Variants in GATB observed in about 807,000 individuals in gnomAD.
The protein encoded by GATB is glutamyl-tRNA(Gln) amidotransferase subunit B, mitochondrial.
GATB carries 39 observed loss-of-function variants against 62.3 expected under a neutral mutation model. The ratio of observed to expected loss-of-function variants is 0.63; its 90% CI spans 0.48 to 0.82. GATB has a LOEUF of 0.82. GATB is among the 40% of genes least tolerant of loss of function. GATB has a pLI of 0.00. For missense variants in GATB, 670 were observed against 684.0 expected, an observed-to-expected ratio of 0.98 and a Z score of 0.23; for synonymous variants, 276 against 258.9, an observed-to-expected ratio of 1.07 and a Z score of -0.63.
intron 10 of GATB, among the ~76,000 whole-genome samples, chr4:151,687,726 G>C (rs1738279783): frequency 6.6e-6 from 1 of 152,102 alleles, no homozygotes; most frequent in Non-Finnish European, 1.5e-5. Context: ...AGAGATTGGA[G>C]GGCCTTCTCT....
At chr4:151,755,257 A>T (rs143583796) in intron 2 of GATB, among the ~76,000 whole-genome samples, 3 of 152,210 alleles carry the variant, frequency 2.0e-5, no homozygotes, top group African/African-American at 7.2e-5. Flanking sequence ...AATTCTATTC[A>T]TCTCACTAGA....
Position 151,688,656 on chromosome 4 carries a change from C to T in GATB, c.1305G>A (p.Lys435=), listed in dbSNP as rs1738301056. Residue 435 remains lysine (K), a synonymous_variant, in exon 10 of 13, where the codon AAG becomes AAA. Coordinates refer to ENST00000263985, the MANE Select transcript of GATB (RefSeq NM_004564.3). ...WVLNTFLGYL[K]QQNLAVSESP... Reference sequence around the variant, plus strand: ...TCTCACTGACAGCGAGGTTCTGTTGCTTTAAATAGCCCAGAAAAGTGTTGA... The same window carrying T: ...TCTCACTGACAGCGAGGTTCTGTTGTTTTAAATAGCCCAGAAAAGTGTTGA... 1.2e-6 allele frequency: 2 copies of T among 1,610,498 alleles called. No individual in the cohort carries two copies. The highest frequency in any genetic ancestry group is 1.1e-5 in the South Asian group (1 of 89,728).
In GATB at chr4:151,716,939, C is replaced by T; in HGVS notation, c.577G>A (p.Asp193Asn). 6.2e-7 allele frequency: 1 copy of T among 1,614,234 alleles called. No homozygotes were observed. Among genetic ancestry groups the T allele is most frequent in the Non-Finnish European group, 8.5e-7 (1 of 1,180,046 alleles). Residue 193 changes from aspartate to asparagine, a missense_variant, in exon 4 of 13, where the codon GAC becomes AAC. Coordinates refer to ENST00000263985, the MANE Select transcript of GATB (RefSeq NM_004564.3). ...TTGTCGTGGAGGCTTTTGCCACTGT[C>T]TTGCTCCAACTGGATCTGCTTGATC... ...VRIKQIQLEQ[D>N]SGKSLHDNLR...
intron 2 of GATB, among the ~76,000 whole-genome samples, chr4:151,727,667 C>G (rs566381268): frequency 4.5e-4 from 68 of 152,278 alleles, no homozygotes; most frequent in African/African-American, 1.5e-3. Flanking sequence ...GAATCTGAAT[C>G]TTACTCCTCA....
chr4:151,742,674 T>C (rs977118821), intron 2 of GATB, among the ~76,000 whole-genome samples: 2 of 152,036 alleles, frequency 1.3e-5, no homozygotes, highest in African/African-American at 2.4e-5. Context: ...GAGGTAAATA[T>C]GGAAAATGGC....
At chr4:151,699,260 A>G (rs1048754796) in intron 9 of GATB, among the ~76,000 whole-genome samples, 2 of 151,906 alleles carry the variant, frequency 1.3e-5, no homozygotes, top group African/African-American at 4.8e-5. Flanking sequence ...GTGGTGGCGC[A>G]TGCCTGGAAT....
At chr4:151,679,956 G>T in intron 10 of GATB, 65 bp from the exon 11 acceptor site, 1 of 1,435,352 alleles carries the variant, frequency 7.0e-7, no homozygotes, top group Non-Finnish European at 9.8e-7. Context: ...ATGAATGGCT[G>T]TTCGGAATCA....
chr4:151,727,607 A>G (rs1259395141), intron 2 of GATB, among the ~76,000 whole-genome samples: 1 of 152,208 alleles, frequency 6.6e-6, no homozygotes, highest in Non-Finnish European at 1.5e-5. Flanking sequence ...GATCTCTGAG[A>G]AGACATATAC....
At chr4:151,720,679 C>T (rs947858436) in intron 2 of GATB, 9 of 152,106 alleles carry the variant, frequency 5.9e-5, no homozygotes. Flanking sequence ...CTGCATTATT[C>T]CAATATTTCA....
intron 2 of GATB, among the ~76,000 whole-genome samples, chr4:151,740,765 A>G (rs1739468625): frequency 6.6e-6 from 1 of 152,228 alleles, no homozygotes; most frequent in Non-Finnish European, 1.5e-5. Flanking sequence ...AAGTTCGGGA[A>G]CTGTCCATGG....
intron 2 of GATB, chr4:151,722,276 T>G: frequency 1.4e-6 from 1 of 698,494 alleles, no homozygotes; most frequent in South Asian, 1.5e-5. Flanking sequence ...CATAGATAAA[T>G]AGGACTCTGT....
chr4:151,703,753 TA>T, intron 8 of GATB, 97 bp downstream of exon 8: 1 of 889,658 alleles, frequency 1.1e-6, no homozygotes, highest in Non-Finnish European at 1.9e-6. Context: ...AAGTGGTTTC[TA>T]AAAATTGTTC....
chr4:151,757,738 A>T (rs1739864459), intron 2 of GATB, among the ~76,000 whole-genome samples: 1 of 151,954 alleles, frequency 6.6e-6, no homozygotes, highest in East Asian at 1.9e-4. Context: ...TGGCCTTCCA[A>T]AGTGCTGGGA....
At chr4:151,731,608 G>T (rs1273983113) in intron 2 of GATB, among the ~76,000 whole-genome samples, 1 of 152,062 alleles carries the variant, frequency 6.6e-6, no homozygotes, top group Non-Finnish European at 1.5e-5. Context: ...CCTCTGCCCG[G>T]CTGCCCAGTC....
intron 9 of GATB, among the ~76,000 whole-genome samples, chr4:151,693,928 G>A (rs1738418655): frequency 6.6e-6 from 1 of 152,170 alleles, no homozygotes; most frequent in South Asian, 2.1e-4. Flanking sequence ...AACTTCCCCC[G>A]AATAATCAAA....
intron 2 of GATB, among the ~76,000 whole-genome samples, chr4:151,750,881 A>C (rs1006650674): frequency 4.0e-5 from 6 of 149,528 alleles, no homozygotes; most frequent in African/African-American, 9.8e-5. Flanking sequence ...CCATCCAACC[A>C]CCTCAGCCTT....
At chr4:151,733,566 C>T (rs1739310704) in intron 2 of GATB, among the ~76,000 whole-genome samples, 1 of 152,162 alleles carries the variant, frequency 6.6e-6, no homozygotes, top group Non-Finnish European at 1.5e-5. Context: ...ATCCTTTTGA[C>T]ACTATTCCAC....
intron 8 of GATB, 97 bp from the exon 9 acceptor site, chr4:151,701,615 T>C: frequency 1.1e-6 from 1 of 871,520 alleles, no homozygotes. Flanking sequence ...TGTGTTTAGA[T>C]GCCATGTTAC....
chr4:151,756,257 A>C (rs79800858), intron 2 of GATB, among the ~76,000 whole-genome samples: 2,023 of 152,322 alleles, frequency 0.013, 42 homozygotes, highest in African/African-American at 0.046. Context: ...AAGCACAAAC[A>C]TATTCTCAAA....
Sources: allele counts gnomAD v4.1 joint callset (sites outside exome capture counted in the v4.1 genomes callset), GRCh38; gene constraint gnomAD v4.1.1; transcripts MANE v1.5; gene names NCBI Gene and HGNC (gene_info 2026-07-23, HGNC 2026-07-21).